Variants in CTNND2 observed in about 807,000 individuals in gnomAD.
CTNND2 encodes catenin delta 2, also known as catenin delta-2.
Under a neutral mutation model 144.4 loss-of-function variants are expected in CTNND2, and 22 were observed. The ratio of observed to expected loss-of-function variants is 0.15; its 90% CI spans 0.11 to 0.22. The LOEUF is 0.22. CTNND2 is among the 10% of genes least tolerant of loss of function. The pLI is 1.00. For synonymous variants in CTNND2, 751 were observed against 695.6 expected, an observed-to-expected ratio of 1.08 and a Z score of -1.25; for missense variants, 1,353 against 1,618.8, an observed-to-expected ratio of 0.84 and a Z score of 2.82.
chr5:11,597,118 G>T (rs1779545523), intron 2 of CTNND2, among the ~76,000 whole-genome samples: 1 of 152,154 alleles, frequency 6.6e-6, no homozygotes, highest in South Asian at 2.1e-4. Context: ...AATCACAACA[G>T]GCTCCGTGAC....
At chr5:11,485,257 T>A (rs1173715734) in intron 3 of CTNND2, among the ~76,000 whole-genome samples, 2 of 152,160 alleles carry the variant, frequency 1.3e-5, no homozygotes, top group Admixed American at 6.5e-5. Flanking sequence ...AAACATTTTA[T>A]GCAATCAGTA....
chr5:11,741,353 T>C (rs1457335182), intron 1 of CTNND2, among the ~76,000 whole-genome samples: 1 of 151,990 alleles, frequency 6.6e-6, no homozygotes, highest in African/African-American at 2.4e-5. Context: ...ATTAAGAAAA[T>C]GTGGCACATA....
At chr5:11,589,123 G>T in intron 2 of CTNND2, 1 of 736,028 alleles carries the variant, frequency 1.4e-6, no homozygotes, top group Non-Finnish European at 1.7e-6. Context: ...AGGTCTCCAT[G>T]GCAACAGTGA....
rs79421770 is a variant in CTNND2 at position 11,241,433 on chromosome 5, T to C, written c.1629-4610A>G. ...AACGTAAGTTAGCATTCAGATCCTC[T>C]GGCCTTAAACCAGCTTCCCAGAAAT... On this transcript the variant is annotated intron_variant, in intron 9 of 21. Coordinates refer to ENST00000304623, the MANE Select transcript of CTNND2 (RefSeq NM_001332.4). 5.7e-3 allele frequency among the ~76,000 whole-genome samples: 867 copies of C among 152,334 alleles called. 10 individuals are homozygous for C. Among genetic ancestry groups the C allele is most frequent in the African/African-American group, 0.02 (813 of 41,576 alleles).
chr5:11,311,664 C>A (rs1245316221), intron 9 of CTNND2, among the ~76,000 whole-genome samples: 1 of 148,660 alleles, frequency 6.7e-6, no homozygotes, highest in South Asian at 2.2e-4. Context: ...ACCCTCAACT[C>A]ATGTACATAT....
chr5:11,747,250 T>C (rs1463787769), intron 1 of CTNND2, among the ~76,000 whole-genome samples: 2 of 152,156 alleles, frequency 1.3e-5, no homozygotes, highest in African/African-American at 4.8e-5. Context: ...AAGTCTGGGA[T>C]TCTAAAATTA....
intron 2 of CTNND2, among the ~76,000 whole-genome samples, chr5:11,602,228 C>T (rs1051575300): frequency 2.6e-5 from 4 of 151,942 alleles, no homozygotes; most frequent in African/African-American, 9.7e-5. Context: ...GTAGCATCAT[C>T]GCTTCAATAT....
intron 3 of CTNND2, among the ~76,000 whole-genome samples, chr5:11,484,754 A>G (rs1768638712): frequency 6.6e-6 from 1 of 152,204 alleles, no homozygotes; most frequent in Non-Finnish European, 1.5e-5. Flanking sequence ...CCATCAAATT[A>G]TCCTATTTAT....
In CTNND2 at chr5:11,069,004, C is replaced by T. The variant is rs559505998; in HGVS notation, c.2788+13692G>A. Among the ~76,000 whole-genome samples, 11 of 152,378 alleles carry T rather than the reference C, an allele frequency of 7.2e-5. No homozygotes were observed. In the South Asian group the frequency reaches 2.3e-3, roughly 32 times the overall value. ...GGGTTATAGTAGCAAAGAAGGAAGA[C>T]ACTGTCCGTGTCCGTGTTCCCACAG... On this transcript the variant is annotated intron_variant, in intron 16 of 21. Coordinates refer to ENST00000304623, the MANE Select transcript of CTNND2 (RefSeq NM_001332.4).
chr5:11,463,656 C>T (rs1056078388), intron 3 of CTNND2, among the ~76,000 whole-genome samples: 1 of 151,742 alleles, frequency 6.6e-6, no homozygotes, highest in Non-Finnish European at 1.5e-5. Context: ...ATACAGATAC[C>T]TGAGAGAGCA....
Position 11,742,110 on chromosome 5 carries a change from T to G in CTNND2, c.38-9838A>C, listed in dbSNP as rs369000267. ...CACATTGGGTACAGTGTATACTGCTTGGGTGATGGGTGCACCAAGATTTCA... is the reference window on the plus strand; with the variant it reads ...CACATTGGGTACAGTGTATACTGCTGGGGTGATGGGTGCACCAAGATTTCA... On this transcript the variant is annotated intron_variant, in intron 1 of 21. Coordinates refer to ENST00000304623, the MANE Select transcript of CTNND2 (RefSeq NM_001332.4). Among the ~76,000 whole-genome samples the G allele has an allele frequency of 3.9e-5, 6 of 151,958 alleles. No homozygotes were observed. The East Asian group carries it at 1.2e-3, about 29-fold the overall frequency.
intron 6 of CTNND2, among the ~76,000 whole-genome samples, chr5:11,391,197 T>TA (rs1452816224): frequency 8.7e-6 from 1 of 115,432 alleles, no homozygotes; most frequent in Non-Finnish European, 2.0e-5. Context: ...GGGCATGGCT[T>TA]AAAGATGACA....
chr5:11,365,088 C>T (rs1756841427), intron 7 of CTNND2, among the ~76,000 whole-genome samples, 198 bp from the exon 8 acceptor site: 1 of 152,236 alleles, frequency 6.6e-6, no homozygotes, highest in Non-Finnish European at 1.5e-5. Flanking sequence ...TGCGACCAAA[C>T]ATGATCTCAC....
chr5:11,277,512 T>TATTTATG (rs1746660850), intron 9 of CTNND2, among the ~76,000 whole-genome samples: 1 of 93,294 alleles, frequency 1.1e-5, no homozygotes, highest in Non-Finnish European at 2.5e-5. Context: ...ATTTATTTAT[T>TATTTATG]TATTTATTTA....
chr5:11,386,827 C>T (rs1759132549), intron 6 of CTNND2, among the ~76,000 whole-genome samples: 1 of 152,114 alleles, frequency 6.6e-6, no homozygotes, highest in Non-Finnish European at 1.5e-5. Flanking sequence ...TCAAGTTAGT[C>T]TCAAGGCTAT....
At chr5:11,031,886 A>G (rs936643372) in intron 16 of CTNND2, among the ~76,000 whole-genome samples, 2 of 152,226 alleles carry the variant, frequency 1.3e-5, no homozygotes, top group East Asian at 3.8e-4. Flanking sequence ...GCCTTCGGCC[A>G]CAGACTGAAG....
chr5:11,728,605 T>TAC (rs1787153934), intron 2 of CTNND2, among the ~76,000 whole-genome samples: 1 of 152,106 alleles, frequency 6.6e-6, no homozygotes, highest in Non-Finnish European at 1.5e-5. Context: ...TCCTAAATAA[T>TAC]GGTACTCAAA....
At position 11,211,300 on chromosome 5, in the gene CTNND2, A is replaced by G. The variant is rs562182346; in HGVS notation, c.1762-11639T>C. On this transcript the variant is annotated intron_variant, in intron 10 of 21. Coordinates refer to ENST00000304623, the MANE Select transcript of CTNND2 (RefSeq NM_001332.4). ...GCTGGGGGAGGCGAGATGAGGTTGC[A>G]GGGCCCTGGGTTTACTCTGAGGAAG... Among the ~76,000 whole-genome samples, 6 of 152,174 alleles carry G rather than the reference A, an allele frequency of 3.9e-5. No individual in the cohort carries two copies. The South Asian group carries it at 8.3e-4, about 21-fold the overall frequency.
At chr5:11,883,026 T>G (rs577091374) in intron 1 of CTNND2, among the ~76,000 whole-genome samples, 1 of 152,290 alleles carries the variant, frequency 6.6e-6, no homozygotes, top group Admixed American at 6.5e-5. Flanking sequence ...CTATTTCACC[T>G]GCTTTGTCAA....
Sources: allele counts gnomAD v4.1 joint callset (sites outside exome capture counted in the v4.1 genomes callset), GRCh38; gene constraint gnomAD v4.1.1; transcripts MANE v1.5; gene names NCBI Gene and HGNC (gene_info 2026-07-23, HGNC 2026-07-21).